The following PCDHA7 variants were observed in gnomAD, a reference collection of about 807,000 sequenced individuals.
The protein encoded by PCDHA7 is protocadherin alpha 7.
A neutral mutation model predicts 57.2 loss-of-function variants in PCDHA7; 37 were observed. The ratio of observed to expected loss-of-function variants is 0.65; its 90% CI spans 0.50 to 0.85. The LOEUF (loss-of-function observed/expected upper bound fraction) is 0.85. PCDHA7 is among the 40% of genes least tolerant of loss of function. The probability of loss-of-function intolerance (pLI) is 0.00; values close to 1 mark genes in which losing one functional copy is unlikely to be tolerated. For missense variants in PCDHA7, 1,188 were observed against 1,241.8 expected (o/e 0.96, Z 0.65); for synonymous variants, 553 against 558.8 (o/e 0.99, Z 0.15).
chr5:141,009,760 A>G lies in PCDHA7; in HGVS notation c.2637A>G (p.Gly879=), dbSNP rs782167920. The change falls in exon 4 of 4, where the codon GGA becomes GGG. Residue 879 remains glycine, a synonymous_variant. Coordinates refer to ENST00000525929, the MANE Select transcript of PCDHA7 (RefSeq NM_018910.3). ...GELPDKFIIP[G]SPAIISIRQE... ...TGCCCGACAAATTCATTATCCCAGGATCTCCTGCAATCATCTCCATCCGGC... is the reference window on the plus strand; with the variant it reads ...TGCCCGACAAATTCATTATCCCAGGGTCTCCTGCAATCATCTCCATCCGGC... 6.2e-7 allele frequency: 1 copy of G among 1,614,130 alleles called. No homozygotes were observed. Among genetic ancestry groups the G allele is most frequent in the Non-Finnish European group, 8.5e-7 (1 of 1,180,026 alleles).
chr5:140,972,218 C>A (rs367920234), intron 1 of PCDHA7, among the ~76,000 whole-genome samples: 129 of 152,040 alleles, frequency 8.5e-4, no homozygotes, highest in Middle Eastern at 3.4e-3. Flanking sequence ...TGGCTCACTG[C>A]AGCCTCGACC....
At chr5:140,962,076 G>A (rs2095654806) in intron 1 of PCDHA7, among the ~76,000 whole-genome samples, 1 of 151,758 alleles carries the variant, frequency 6.6e-6, no homozygotes. Flanking sequence ...TAGTAGAGAC[G>A]GGGTTTCACC....
At position 140,885,311 on chromosome 5, in the gene PCDHA7, T is replaced by C. The variant is rs3776122; in HGVS notation, c.2355+48573T>C. On this transcript the variant is annotated intron_variant, in intron 1 of 3. Transcript: ENST00000525929. Reference sequence around the variant, plus strand: ...AGAGAGAGACCTGGTAGGCTTTTTGTTATTATTTCTTTTCCAAAGTTTGAA... The same window carrying C: ...AGAGAGAGACCTGGTAGGCTTTTTGCTATTATTTCTTTTCCAAAGTTTGAA... Among the ~76,000 whole-genome samples, 52 of 152,304 alleles carry C rather than the reference T, an allele frequency of 3.4e-4. No individual in the cohort carries two copies. In the East Asian group the frequency reaches 7.5e-3, roughly 22 times the overall value.
intron 1 of PCDHA7, chr5:140,854,061 C>T: frequency 3.6e-6 from 1 of 279,894 alleles, no homozygotes; most frequent in Non-Finnish European, 5.4e-6. Flanking sequence ...ACTCAGGAGG[C>T]TGAGGCGAGA....
chr5:140,975,759 A>G (rs1420459945), intron 1 of PCDHA7, among the ~76,000 whole-genome samples: 1 of 152,248 alleles, frequency 6.6e-6, no homozygotes, highest in Non-Finnish European at 1.5e-5. Context: ...TCTATGTCAT[A>G]AATCACAGAT....
chr5:140,993,828 A>G (rs1170306716), intron 3 of PCDHA7, among the ~76,000 whole-genome samples: 1 of 152,226 alleles, frequency 6.6e-6, no homozygotes, highest in East Asian at 1.9e-4. Context: ...AGGCTATACC[A>G]TATAGCCTAG....
chr5:140,991,968 C>A (rs80040458), intron 3 of PCDHA7, among the ~76,000 whole-genome samples: 1,562 of 151,686 alleles, frequency 0.01, 27 homozygotes, highest in African/African-American at 0.036. Context: ...TTTGGTGGGG[C>A]CATTATTCTG....
At chr5:140,928,752 T>C (rs781823494) in intron 1 of PCDHA7, 3 of 1,614,208 alleles carry the variant, frequency 1.9e-6, no homozygotes, top group Non-Finnish European at 2.5e-6. Context: ...AGCTCCGTAC[T>C]GCTCGCTTAG....
At chr5:140,965,703 G>T (rs1280783019) in intron 1 of PCDHA7, among the ~76,000 whole-genome samples, 1 of 152,178 alleles carries the variant, frequency 6.6e-6, no homozygotes, top group Non-Finnish European at 1.5e-5. Flanking sequence ...GAAAAAGCTT[G>T]AGAGAAGAAT....
At chr5:140,963,911 T>C (rs2095797811) in intron 1 of PCDHA7, among the ~76,000 whole-genome samples, 1 of 152,238 alleles carries the variant, frequency 6.6e-6, no homozygotes, top group African/African-American at 2.4e-5. Context: ...AAGTGAAGCT[T>C]AGGCTAAGTA....
chr5:140,983,359 A>G (rs1310994731), intron 3 of PCDHA7, among the ~76,000 whole-genome samples: 1 of 152,254 alleles, frequency 6.6e-6, no homozygotes, highest in African/African-American at 2.4e-5. Flanking sequence ...TAATAGAAAT[A>G]TGGCTTTGGA....
intron 1 of PCDHA7, chr5:140,848,788 G>T: frequency 6.3e-7 from 1 of 1,593,178 alleles, no homozygotes; most frequent in Non-Finnish European, 8.6e-7. Flanking sequence ...CTGTGCGGGC[G>T]GAGCGCGGAG....
In PCDHA7 at chr5:140,913,634, C is replaced by T. The variant is rs145807488; in HGVS notation, c.2356-65315C>T. On this transcript the variant is annotated intron_variant, in intron 1 of 3. Transcript: ENST00000525929. ...TACTAATTTTGGATTCAGTTTGCTG[C>T]TGCTTTTCTAGTTCTTTAAGATGTA... Among the ~76,000 whole-genome samples the T allele has an allele frequency of 8.0e-3, 1,219 of 152,090 alleles. 7 individuals carry two copies. Among genetic ancestry groups the T allele is most frequent in the African/African-American group, 0.019 (785 of 41,506 alleles).
chr5:140,980,575 A>C (rs901433332), intron 2 of PCDHA7, among the ~76,000 whole-genome samples: 3 of 152,296 alleles, frequency 2.0e-5, no homozygotes, highest in Admixed American at 1.3e-4. Context: ...AGTTGCAGTG[A>C]GCCAAGATCG....
chr5:140,886,463 GT>G (rs1387154249), intron 1 of PCDHA7, among the ~76,000 whole-genome samples: 5 of 152,042 alleles, frequency 3.3e-5, no homozygotes, highest in East Asian at 1.9e-4. Flanking sequence ...ATATATAAAT[GT>G]TTTTAAAATG....
chr5:140,901,301 G>A (rs990062811), intron 1 of PCDHA7, among the ~76,000 whole-genome samples: 11 of 152,112 alleles, frequency 7.2e-5, no homozygotes, highest in Non-Finnish European at 1.5e-4. Flanking sequence ...CTGATGTTCC[G>A]GAGAGTTTCC....
At chr5:140,927,015 G>C in intron 1 of PCDHA7, 1 of 1,612,466 alleles carries the variant, frequency 6.2e-7, no homozygotes, top group Non-Finnish European at 8.5e-7. Context: ...ATCTCTCCGC[G>C]GACTTGAGGC....
chr5:140,968,135 G>C (rs2096222877), intron 1 of PCDHA7: 2 of 1,614,034 alleles, frequency 1.2e-6, no homozygotes, highest in Non-Finnish European at 1.7e-6. Flanking sequence ...TACACTGAAG[G>C]TTGAGATCTC....
At chr5:140,925,408 G>C (rs2082482597) in intron 1 of PCDHA7, among the ~76,000 whole-genome samples, 1 of 152,058 alleles carries the variant, frequency 6.6e-6, no homozygotes, top group Non-Finnish European at 1.5e-5. Flanking sequence ...TCCTTCTTAG[G>C]GAAAGGAACT....
Sources: gnomAD v4.1 joint callset for allele counts (sites outside exome capture counted in the v4.1 genomes callset) on GRCh38, gnomAD v4.1.1 for gene constraint, MANE v1.5 for transcripts, NCBI Gene and HGNC (gene_info 2026-07-23, HGNC 2026-07-21) for gene names.